Variants in SYNDIG1 observed in about 807,000 individuals in gnomAD.
SYNDIG1 encodes the protein synapse differentiation inducing 1.
SYNDIG1 carries 9 observed loss-of-function variants against 19.4 expected under a neutral mutation model. That is an observed-to-expected ratio of 0.46 (90% CI 0.28 to 0.81). SYNDIG1 has a LOEUF of 0.81. SYNDIG1 is among the 30% of genes least tolerant of loss of function. The pLI, the probability that SYNDIG1 is intolerant of heterozygous loss-of-function variation, is 0.12. For missense variants in SYNDIG1, 311 were observed against 343.3 expected (o/e 0.91, Z 0.74); for synonymous variants, 141 against 145.9 (o/e 0.97, Z 0.24).
chr20:24,624,983 A>T (rs760163481), intron 3 of SYNDIG1, among the ~76,000 whole-genome samples: 1 of 152,236 alleles, frequency 6.6e-6, no homozygotes, highest in East Asian at 1.9e-4. Context: ...GGAAAACTTA[A>T]GAATATTTCA....
chr20:24,652,647 C>T (rs557455908), intron 3 of SYNDIG1, among the ~76,000 whole-genome samples: 1 of 152,352 alleles, frequency 6.6e-6, no homozygotes, highest in East Asian at 1.9e-4. Flanking sequence ...GTGCTGCACC[C>T]GTATTCCCTT....
chr20:24,476,471 C>A (rs2055629202), intron 1 of SYNDIG1, among the ~76,000 whole-genome samples: 1 of 152,056 alleles, frequency 6.6e-6, no homozygotes, highest in African/African-American at 2.4e-5. Context: ...AGTTCAGGAC[C>A]ATCCTGGTTA....
intron 3 of SYNDIG1, among the ~76,000 whole-genome samples, chr20:24,598,715 C>G (rs1266916950): frequency 6.6e-6 from 1 of 152,192 alleles, no homozygotes; most frequent in Non-Finnish European, 1.5e-5. Context: ...TACTATTTTT[C>G]CCATGGAAAC....
chr20:24,643,950 A>T (rs1008681845), intron 3 of SYNDIG1, among the ~76,000 whole-genome samples: 2 of 152,252 alleles, frequency 1.3e-5, no homozygotes, highest in Non-Finnish European at 2.9e-5. Context: ...ACATCATCAA[A>T]AAGAGAAAAC....
chr20:24,478,247 T>G (rs1348471515), intron 1 of SYNDIG1, among the ~76,000 whole-genome samples: 1 of 152,240 alleles, frequency 6.6e-6, no homozygotes, highest in Non-Finnish European at 1.5e-5. Flanking sequence ...CATTGGTGCC[T>G]TATTGCTTCG....
chr20:24,482,402 T>C (rs2055825018), intron 1 of SYNDIG1, among the ~76,000 whole-genome samples: 1 of 152,128 alleles, frequency 6.6e-6, no homozygotes, highest in African/African-American at 2.4e-5. Context: ...AAAATGCACA[T>C]GAAAGTTAGG....
chr20:24,550,610 A>G (rs6114770), intron 2 of SYNDIG1, among the ~76,000 whole-genome samples: 93,774 of 151,158 alleles, frequency 0.62, 29,581 homozygotes, highest in African/African-American at 0.74. Flanking sequence ...CCGGGTTCAC[A>G]CCATTCTCCT....
intron 1 of SYNDIG1, among the ~76,000 whole-genome samples, chr20:24,476,390 G>A (rs916507236): frequency 3.9e-5 from 6 of 152,030 alleles, no homozygotes; most frequent in South Asian, 2.1e-4. Context: ...GATATTGGCC[G>A]GGCGCGGTGG....
At chr20:24,550,702 G>A (rs1328873770) in intron 2 of SYNDIG1, among the ~76,000 whole-genome samples, 2 of 151,992 alleles carry the variant, frequency 1.3e-5, no homozygotes, top group African/African-American at 2.4e-5. Context: ...AGTAGATACG[G>A]GGTTTCACTG....
chr20:24,587,608 A>G (rs2058437974), intron 3 of SYNDIG1, among the ~76,000 whole-genome samples: 2 of 152,360 alleles, frequency 1.3e-5, no homozygotes, highest in East Asian at 3.9e-4. Flanking sequence ...CAATCTGAGA[A>G]TCCTTGCACT....
chr20:24,665,478 T>C lies in SYNDIG1; in HGVS notation c.751T>C (p.Tyr251His). ...YVGVAVALIAYLSKNNHL is the reference protein window; with the variant it reads ...YVGVAVALIAHLSKNNHL Reference sequence around the variant, plus strand: ...GGGCGTGGCCGTGGCCCTCATCGCCTACCTCTCCAAGAACAACCACCTGTG... The same window carrying C: ...GGGCGTGGCCGTGGCCCTCATCGCCCACCTCTCCAAGAACAACCACCTGTG... Residue 251 changes from tyrosine to histidine, a missense_variant, in exon 4 of 4, where the codon TAC (tyrosine) becomes CAC (histidine). Tyr to His is a moderately conservative substitution (Grantham distance 83). Transcript: ENST00000376862. 6.2e-7 allele frequency: 1 copy of C among 1,614,090 alleles called. No individual in the cohort carries two copies. The highest frequency in any genetic ancestry group is 8.5e-7 in the Non-Finnish European group (1 of 1,179,996).
chr20:24,517,869 G>A (rs1424975206), intron 1 of SYNDIG1, among the ~76,000 whole-genome samples: 5 of 149,548 alleles, frequency 3.3e-5, no homozygotes, highest in African/African-American at 9.8e-5. Context: ...GCAGTGGCAC[G>A]ATCTCGGCTC....
intron 2 of SYNDIG1, among the ~76,000 whole-genome samples, chr20:24,555,574 T>C (rs980464715): frequency 3.0e-4 from 45 of 152,250 alleles, no homozygotes; most frequent in African/African-American, 1.0e-3. Context: ...GCAGTAGTCA[T>C]TCAGGAGCAG....
intron 1 of SYNDIG1, among the ~76,000 whole-genome samples, chr20:24,488,880 G>T (rs768169018): frequency 6.6e-6 from 1 of 152,180 alleles, no homozygotes; most frequent in Non-Finnish European, 1.5e-5. Flanking sequence ...TCGGAGGAAA[G>T]GGACACGCCT....
intron 2 of SYNDIG1, among the ~76,000 whole-genome samples, chr20:24,555,874 C>A (rs1295019076): frequency 6.6e-6 from 1 of 152,126 alleles, no homozygotes; most frequent in Non-Finnish European, 1.5e-5. Context: ...AAATTTCTGT[C>A]TCGTTGATCT....
At chr20:24,517,782 CA>C (rs1282285486) in intron 1 of SYNDIG1, among the ~76,000 whole-genome samples, 42 of 144,020 alleles carry the variant, frequency 2.9e-4, no homozygotes, top group African/African-American at 5.4e-4. Flanking sequence ...TACATACACA[CA>C]TTTTTTTTGA....
intron 1 of SYNDIG1, among the ~76,000 whole-genome samples, chr20:24,490,814 G>A (rs1407669773): frequency 6.6e-6 from 1 of 152,228 alleles, no homozygotes; most frequent in African/African-American, 2.4e-5. Flanking sequence ...AGGCTCCAGG[G>A]CAGCACAGAG....
chr20:24,503,862 C>T (rs79265274), intron 1 of SYNDIG1, among the ~76,000 whole-genome samples: 2,470 of 151,958 alleles, frequency 0.016, 29 homozygotes, highest in Admixed American at 0.027. Context: ...CTGCAGGGTG[C>T]GTACTCGGGC....
intron 1 of SYNDIG1, among the ~76,000 whole-genome samples, chr20:24,500,203 A>G (rs1029941411): frequency 3.0e-4 from 46 of 152,130 alleles, no homozygotes; most frequent in African/African-American, 1.0e-3. Context: ...TTATGCATGT[A>G]TATCTCTCAA....
Sources: gnomAD v4.1 joint callset for allele counts (sites outside exome capture counted in the v4.1 genomes callset) on GRCh38, gnomAD v4.1.1 for gene constraint, MANE v1.5 for transcripts, NCBI Gene and HGNC (gene_info 2026-07-23, HGNC 2026-07-21) for gene names.